SEMA4D: variants seen among roughly 807,000 people sequenced by gnomAD.
SEMA4D encodes the protein semaphorin 4D.
A neutral mutation model predicts 74.8 loss-of-function variants in SEMA4D; 22 were observed. The observed-to-expected ratio is 0.29, with a 90% CI of 0.21 to 0.42. SEMA4D has a LOEUF of 0.42. SEMA4D is among the 10% of genes least tolerant of loss of function. The pLI, the probability that SEMA4D is intolerant of heterozygous loss-of-function variation, is 1.00. For synonymous variants in SEMA4D, 445 were observed against 463.7 expected, an observed-to-expected ratio of 0.96 and a Z score of 0.52; for missense variants, 937 against 1,118.4, an observed-to-expected ratio of 0.84 and a Z score of 2.31.
At chr9:89,362,671 G>A (rs964665091) in intron 18 of SEMA4D, among the ~76,000 whole-genome samples, 6 of 152,248 alleles carry the variant, frequency 3.9e-5, no homozygotes, top group African/African-American at 1.4e-4. Context: ...CAGGAGGGCT[G>A]GAGAGAGGGA....
In SEMA4D at chr9:89,476,131, C is replaced by T. The variant is rs535969594; in HGVS notation, c.-309-20178G>A. Among the ~76,000 whole-genome samples, 12 of 152,322 alleles carry T rather than the reference C, an allele frequency of 7.9e-5. No homozygotes were observed. In the East Asian group the frequency reaches 1.4e-3, roughly 17 times the overall value. ...GCCATTAGAATGTAAGAAGTGCCAACCTTCGGCCACCTCATGCTGGCCCGA... is the reference window on the plus strand; with the variant it reads ...GCCATTAGAATGTAAGAAGTGCCAATCTTCGGCCACCTCATGCTGGCCCGA... On this transcript the variant is annotated intron_variant, in intron 1 of 15. Coordinates refer to ENST00000422704, the MANE Select transcript of SEMA4D (RefSeq NM_001371194.2).
intron 13 of SEMA4D, among the ~76,000 whole-genome samples, chr9:89,383,416 C>T (rs1837643037): frequency 6.6e-6 from 1 of 152,198 alleles, no homozygotes; most frequent in Admixed American, 6.5e-5. Flanking sequence ...TTGGTGCTCC[C>T]CCTAAAACCA....
At chr9:89,453,648 G>T (rs930066167) in intron 2 of SEMA4D, among the ~76,000 whole-genome samples, 1 of 152,102 alleles carries the variant, frequency 6.6e-6, no homozygotes, top group African/African-American at 2.4e-5. Context: ...TGGACACACA[G>T]CCCTGACGGT....
intron 2 of SEMA4D, among the ~76,000 whole-genome samples, chr9:89,416,587 C>T (rs60024782): frequency 0.011 from 1,605 of 152,308 alleles, 31 homozygotes; most frequent in African/African-American, 0.037. Context: ...AGAACATACA[C>T]TCCTACACAC....
chr9:89,365,897 A>C (rs1382993703), intron 16 of SEMA4D, among the ~76,000 whole-genome samples: 1 of 152,204 alleles, frequency 6.6e-6, no homozygotes, highest in Non-Finnish European at 1.5e-5. Context: ...TCCCTGCTTT[A>C]CTGACTGTGG....
At chr9:89,476,289 T>C (rs1234923359) in intron 1 of SEMA4D, among the ~76,000 whole-genome samples, 2 of 152,182 alleles carry the variant, frequency 1.3e-5, no homozygotes, top group Non-Finnish European at 2.9e-5. Flanking sequence ...TTATAAAACA[T>C]AGCATGCCAC....
intron 2 of SEMA4D, among the ~76,000 whole-genome samples, chr9:89,411,478 A>T (rs376965106): frequency 6.6e-6 from 1 of 152,204 alleles, no homozygotes; most frequent in South Asian, 2.1e-4. Flanking sequence ...AAATGTAGGC[A>T]TATCTAATTT....
chr9:89,491,638 G>A (rs547266314), intron 1 of SEMA4D, among the ~76,000 whole-genome samples: 6 of 152,270 alleles, frequency 3.9e-5, no homozygotes, highest in African/African-American at 1.4e-4. Flanking sequence ...CCAGATGCCA[G>A]GGAGACTCTG....
chr9:89,419,990 A>T (rs1846557501), intron 2 of SEMA4D, among the ~76,000 whole-genome samples: 1 of 152,180 alleles, frequency 6.6e-6, no homozygotes, highest in Non-Finnish European at 1.5e-5. Flanking sequence ...TTTAATAAAG[A>T]CCCAGAACTG....
At chr9:89,431,709 G>A (rs1330256149) in intron 2 of SEMA4D, among the ~76,000 whole-genome samples, 2 of 151,940 alleles carry the variant, frequency 1.3e-5, no homozygotes, top group African/African-American at 4.8e-5. Flanking sequence ...TGTTGCCCAG[G>A]CTGGCTTTGA....
Position 89,450,255 on chromosome 9 carries a change from G to C in SEMA4D, c.-244+5633C>G. ...TGCTGTGGATGTTCTCATCAGCTCA[G>C]GAAAGGGCAAGACCAAGGATGCAGG... is the stretch of plus-strand genomic sequence containing the variant. On this transcript the variant is annotated intron_variant, in intron 2 of 15. Transcript: ENST00000422704. 1.3e-5 allele frequency: 14 copies of C among 1,101,634 alleles called. No homozygotes were observed. The South Asian group carries it at 1.6e-4, about 13-fold the overall frequency. The allele number at this position is 1,101,634 out of a possible 1,614,324, so 68.2% of individuals were successfully genotyped here. A position where few individuals can be genotyped will look rare whatever the true frequency, so the allele number is the denominator to read the frequency against.
chr9:89,391,409 C>A lies in SEMA4D; in HGVS notation c.629G>T (p.Ser210Ile), dbSNP rs1292072877. 1 of 1,614,230 alleles carries A rather than the reference C, an allele frequency of 6.2e-7. No homozygotes were observed. The highest frequency in any genetic ancestry group is 8.5e-7 in the Non-Finnish European group (1 of 1,180,032). The change falls in exon 9 of 16, where the codon AGT becomes ATT. Residue 210 changes from serine (S) to isoleucine (I), a missense_variant. Physicochemically the swap from Ser to Ile is moderately radical, Grantham distance 142 (BLOSUM62 -2). Transcript: ENST00000422704. ...EYAIPWLNEP[S>I]FVFADVIRKS... ...TCGGATCACGTCAGCAAACACGAAA[C>A]TAGGCTCTGCAGAGAGAGGACAGTG...
intron 13 of SEMA4D, chr9:89,385,662 G>T: frequency 1.3e-6 from 1 of 756,460 alleles, no homozygotes; most frequent in Non-Finnish European, 1.6e-6. Context: ...GGAGGGAAGA[G>T]GACAGAAGAC....
chr9:89,467,802 T>A (rs919360194), intron 1 of SEMA4D, among the ~76,000 whole-genome samples: 2 of 152,252 alleles, frequency 1.3e-5, no homozygotes, highest in Non-Finnish European at 2.9e-5. Flanking sequence ...AGTGCTGGGA[T>A]TACAGACGTG....
At chr9:89,434,560 T>C (rs1266297427) in intron 2 of SEMA4D, among the ~76,000 whole-genome samples, 2 of 152,192 alleles carry the variant, frequency 1.3e-5, no homozygotes, top group African/African-American at 2.4e-5. Context: ...ACCACCAGCG[T>C]AGCACCTTCT....
At chr9:89,363,779 T>C (rs756857917) in exon 17 of SEMA4D, 2 of 1,613,814 alleles carry the variant, frequency 1.2e-6, no homozygotes, top group Non-Finnish European at 1.7e-6. Context: ...CGAAGTCTTG[T>C]TCCCTGCTGA....
intron 13 of SEMA4D, 21 bp downstream of exon 13, chr9:89,386,346 C>T: frequency 6.4e-7 from 1 of 1,572,540 alleles, no homozygotes; most frequent in Non-Finnish European, 8.7e-7. Flanking sequence ...GCCCCCGGTC[C>T]AGCTGCCTGC....
At chr9:89,471,381 T>A (rs1049629902) in intron 1 of SEMA4D, among the ~76,000 whole-genome samples, 25 of 152,264 alleles carry the variant, frequency 1.6e-4, no homozygotes, top group African/African-American at 6.0e-4. Context: ...TTACCACAAT[T>A]GTAAAAACTC....
At position 89,484,212 on chromosome 9, in the gene SEMA4D, A is replaced by G. The variant is rs2136214019; in HGVS notation, c.-310+13707T>C. On this transcript the variant is annotated intron_variant, in intron 1 of 15. Coordinates refer to ENST00000422704, the MANE Select transcript of SEMA4D (RefSeq NM_001371194.2). The surrounding 1 kb of genome is among the most constrained non-coding windows in gnomAD (Gnocchi z 4.1). Reference sequence around the variant, plus strand: ...GGGAGAGGCAAGCGAGGGGCCGGCCAGCTTCACTGCCTGCATGCCCTTTAG... The same window carrying G: ...GGGAGAGGCAAGCGAGGGGCCGGCCGGCTTCACTGCCTGCATGCCCTTTAG... Among the ~76,000 whole-genome samples, 1 of 152,394 alleles carries G rather than the reference A, an allele frequency of 6.6e-6. No individual in the cohort carries two copies. The highest frequency in any genetic ancestry group is 2.4e-5 in the African/African-American group (1 of 41,596).
Sources: gnomAD v4.1 joint callset for allele counts (sites outside exome capture counted in the v4.1 genomes callset) on GRCh38, gnomAD v4.1.1 for gene constraint, Gnocchi (gnomAD v3.1) non-coding constraint, MANE v1.5 for transcripts, NCBI Gene and HGNC (gene_info 2026-07-23, HGNC 2026-07-21) for gene names.